Variants in E2F3 observed in about 807,000 individuals in gnomAD.
E2F3 encodes the protein E2F transcription factor 3.
In E2F3, 11 loss-of-function variants were observed where a neutral mutation model predicts 44.4. The ratio of observed to expected loss-of-function variants is 0.25; its 90% CI spans 0.16 to 0.41. The LOEUF (loss-of-function observed/expected upper bound fraction) is 0.41, where lower values mean the gene tolerates loss of function less well. E2F3 is among the 10% of genes least tolerant of loss of function. The probability of loss-of-function intolerance (pLI) is 1.00; values close to 1 mark genes in which losing one functional copy is unlikely to be tolerated. For synonymous variants in E2F3, 249 were observed against 253.0 expected (o/e 0.98, Z 0.15); for missense variants, 487 against 583.6 (o/e 0.83, Z 1.70).
At chr6:20,440,382 C>T (rs1760734489) in intron 1 of E2F3, among the ~76,000 whole-genome samples, 1 of 152,184 alleles carries the variant, frequency 6.6e-6, no homozygotes, top group Admixed American at 6.5e-5. Flanking sequence ...TTAACTTTAG[C>T]CCCAGCCTAC....
At chr6:20,461,382 C>T (rs9465756) in intron 1 of E2F3, among the ~76,000 whole-genome samples, 133,945 of 152,072 alleles carry the variant, frequency 0.88, 59,237 homozygotes, top group East Asian at 0.94. Context: ...TAGTCCCAGC[C>T]ACTTGGGAGG....
chr6:20,435,395 T>G (rs1210516871), intron 1 of E2F3, among the ~76,000 whole-genome samples: 1 of 152,178 alleles, frequency 6.6e-6, no homozygotes, highest in Non-Finnish European at 1.5e-5. Context: ...ATACTAAAAG[T>G]TATAGCTGGT....
In E2F3 at chr6:20,456,204, A is replaced by G. The variant is rs557869706; in HGVS notation, c.394-23642A>G. ...GCTCACAGGCCTTCAAGCCCTAGAA[A>G]GTAGTATGCCAGTGAATTTTCTAGT... On this transcript the variant is annotated intron_variant, in intron 1 of 6. Coordinates refer to ENST00000346618, the MANE Select transcript of E2F3 (RefSeq NM_001949.5). 9.2e-5 allele frequency among the ~76,000 whole-genome samples: 14 copies of G among 152,156 alleles called. No homozygotes were observed. The East Asian group carries it at 2.7e-3, about 29-fold the overall frequency.
chr6:20,457,864 A>G (rs1442607811), intron 1 of E2F3, among the ~76,000 whole-genome samples: 1 of 152,100 alleles, frequency 6.6e-6, no homozygotes, highest in Non-Finnish European at 1.5e-5. Context: ...TTCCAAAATT[A>G]ATTTAGGTAA....
intron 4 of E2F3, among the ~76,000 whole-genome samples, chr6:20,485,071 T>C (rs1355753621): frequency 6.6e-6 from 1 of 152,082 alleles, no homozygotes; most frequent in African/African-American, 2.4e-5. Context: ...AGCCATTAAA[T>C]ACGTTATACT....
At chr6:20,450,640 T>C (rs537290441) in intron 1 of E2F3, among the ~76,000 whole-genome samples, 1 of 152,342 alleles carries the variant, frequency 6.6e-6, no homozygotes, top group South Asian at 2.1e-4. Flanking sequence ...TTAGATCCCA[T>C]TTGTCAATTT....
chr6:20,462,660 G>A (rs1332041565), intron 1 of E2F3, among the ~76,000 whole-genome samples: 2 of 151,652 alleles, frequency 1.3e-5, no homozygotes, highest in Non-Finnish European at 2.9e-5. Context: ...GTTTCACCAG[G>A]TTGGTGAGGC....
chr6:20,423,985 G>T (rs1760117661), intron 1 of E2F3, among the ~76,000 whole-genome samples: 1 of 150,590 alleles, frequency 6.6e-6, no homozygotes, highest in African/African-American at 2.5e-5. Flanking sequence ...GGTCAGGCTG[G>T]TCTCGAACTC....
chr6:20,421,696 T>C (rs535909918), intron 1 of E2F3: 2 of 152,372 alleles, frequency 1.3e-5, no homozygotes, highest in Admixed American at 1.3e-4. Context: ...TTTTCTGACC[T>C]GGGCTGGTTC....
chr6:20,473,395 T>A (rs1257002517), intron 1 of E2F3, among the ~76,000 whole-genome samples: 1 of 152,152 alleles, frequency 6.6e-6, no homozygotes, highest in Non-Finnish European at 1.5e-5. Context: ...TTCTATAAAA[T>A]AAGAATTAAT....
intron 1 of E2F3, among the ~76,000 whole-genome samples, chr6:20,443,966 C>T (rs932926065): frequency 6.6e-6 from 1 of 152,012 alleles, no homozygotes; most frequent in East Asian, 1.9e-4. Context: ...AATCCCAGCA[C>T]CTTGAGAGGC....
rs2127581345 is a variant in E2F3, at chr6:20,402,460, C to T, written c.228C>T (p.Ser76=). Residue 76 remains serine, a synonymous_variant, in exon 1 of 7, where the codon AGC becomes AGT. Coordinates refer to ENST00000346618, the MANE Select transcript of E2F3 (RefSeq NM_001949.5). This position sits in a 1 kb window ranked among gnomAD's most constrained non-coding sequence, Gnocchi z 5.6. ...CCTCCTGTTCCTCCTCCCTCCAAAGCGGCGCCGTAGCCGCCGGCCCCCTCC... is the reference window on the plus strand; with the variant it reads ...CCTCCTGTTCCTCCTCCCTCCAAAGTGGCGCCGTAGCCGCCGGCCCCCTCC... The part of the protein sequence containing the change: ...STTSCSSSLQ[S]GAVAAGPLLP... 6.2e-7 allele frequency: 1 copy of T among 1,610,626 alleles called. No homozygotes were observed. The highest frequency in any genetic ancestry group is 8.5e-7 in the Non-Finnish European group (1 of 1,179,464).
At chr6:20,450,332 G>A (rs1761088138) in intron 1 of E2F3, among the ~76,000 whole-genome samples, 1 of 152,052 alleles carries the variant, frequency 6.6e-6, no homozygotes, top group Non-Finnish European at 1.5e-5. Context: ...GTGTGAGATG[G>A]TATCTCATTG....
chr6:20,437,718 A>T (rs1331702386), intron 1 of E2F3: 1 of 152,220 alleles, frequency 6.6e-6, no homozygotes, highest in Non-Finnish European at 1.5e-5. Flanking sequence ...TTCTGAGTTC[A>T]CGGGAACGGG....
rs183629324 is a variant in E2F3, at chr6:20,472,765, T to C, written c.394-7081T>C. Among the ~76,000 whole-genome samples the C allele has an allele frequency of 2.6e-5, 4 of 152,306 alleles. No individual in the cohort carries two copies. The East Asian group carries it at 7.7e-4, about 29-fold the overall frequency. On this transcript the variant is annotated intron_variant, in intron 1 of 6. Coordinates refer to ENST00000346618, the MANE Select transcript of E2F3 (RefSeq NM_001949.5). The stretch of plus-strand genomic sequence containing the variant: ...TCTCAGTGCAAGCTGGGTGTAATAA[T>C]ACCTACCCCACAATGCCAGCATGAT...
intron 1 of E2F3, among the ~76,000 whole-genome samples, chr6:20,450,814 C>T (rs370487639): frequency 2.0e-5 from 3 of 152,086 alleles, no homozygotes; most frequent in East Asian, 1.9e-4. Flanking sequence ...TATGGTATAA[C>T]GAAAGAGTCC....
intron 1 of E2F3, among the ~76,000 whole-genome samples, chr6:20,408,725 A>G (rs987187858): frequency 6.6e-6 from 1 of 152,186 alleles, no homozygotes; most frequent in African/African-American, 2.4e-5. Flanking sequence ...AGCTCGAGGT[A>G]GAAAGCAGTG....
intron 1 of E2F3, among the ~76,000 whole-genome samples, chr6:20,459,855 T>C (rs1318887975): frequency 6.6e-6 from 1 of 152,048 alleles, no homozygotes; most frequent in African/African-American, 2.4e-5. Context: ...GGTGAGAAGA[T>C]TGCTTGAGCC....
At chr6:20,485,076 T>C (rs1351803134) in intron 4 of E2F3, among the ~76,000 whole-genome samples, 1 of 152,186 alleles carries the variant, frequency 6.6e-6, no homozygotes, top group Non-Finnish European at 1.5e-5. Flanking sequence ...TTAAATACGT[T>C]ATACTACCTG....
Sources: allele counts gnomAD v4.1 joint callset (sites outside exome capture counted in the v4.1 genomes callset), GRCh38; gene constraint gnomAD v4.1.1; non-coding constraint Gnocchi (gnomAD v3.1); transcripts MANE v1.5; gene names NCBI Gene and HGNC (gene_info 2026-07-23, HGNC 2026-07-21).